The following PCSK5 variants were observed in gnomAD, a reference collection of about 807,000 sequenced individuals.
PCSK5 encodes the protein prohormone convertase 5.
A neutral mutation model predicts 233.2 loss-of-function variants in PCSK5; 129 were observed. The observed-to-expected ratio is 0.55, with a 90% CI of 0.48 to 0.64. The LOEUF (loss-of-function observed/expected upper bound fraction) is 0.64, where lower values mean the gene tolerates loss of function less well. Among genes scored for constraint, PCSK5 ranks in the 30% least tolerant of loss-of-function variants. The pLI is 0.00. For missense variants in PCSK5, 2,076 were observed against 2,430.1 expected, an observed-to-expected ratio of 0.85 and a Z score of 3.06; for synonymous variants, 825 against 879.2, an observed-to-expected ratio of 0.94 and a Z score of 1.09.
At chr9:76,289,101 T>C (rs1429677913) in intron 24 of PCSK5, among the ~76,000 whole-genome samples, 1 of 152,110 alleles carries the variant, frequency 6.6e-6, no homozygotes. Context: ...TGAAGAGCTC[T>C]CAAGAGAGAG....
At chr9:75,960,534 A>G (rs1825304866) in intron 2 of PCSK5, among the ~76,000 whole-genome samples, 1 of 152,248 alleles carries the variant, frequency 6.6e-6, no homozygotes, top group African/African-American at 2.4e-5. Context: ...GGGCATGAAT[A>G]AAGAAAAACA....
intron 9 of PCSK5, among the ~76,000 whole-genome samples, chr9:76,110,575 A>C (rs1832169423): frequency 6.6e-6 from 1 of 152,174 alleles, no homozygotes; most frequent in Non-Finnish European, 1.5e-5. Flanking sequence ...TACATCCGGT[A>C]GTCCTAGCTA....
intron 3 of PCSK5, among the ~76,000 whole-genome samples, chr9:76,009,278 T>C (rs1337247537): frequency 1.3e-5 from 2 of 152,128 alleles, no homozygotes; most frequent in South Asian, 2.1e-4. Flanking sequence ...TCAATTTCAG[T>C]TGGACTAAAA....
chr9:76,153,954 A>G (rs1183522546), intron 10 of PCSK5, among the ~76,000 whole-genome samples: 1 of 152,184 alleles, frequency 6.6e-6, no homozygotes, highest in Non-Finnish European at 1.5e-5. Flanking sequence ...GTCACCAAAA[A>G]CGTCAATGTT....
intron 30 of PCSK5, among the ~76,000 whole-genome samples, chr9:76,318,958 A>G (rs11144827): frequency 0.19 from 29,541 of 152,134 alleles, 3,353 homozygotes; most frequent in African/African-American, 0.3. Context: ...AATTAACAAC[A>G]ATTGTTCTCA....
intron 3 of PCSK5, among the ~76,000 whole-genome samples, chr9:76,011,887 G>A (rs1468923158): frequency 2.0e-5 from 3 of 152,038 alleles, no homozygotes; most frequent in African/African-American, 4.8e-5. Flanking sequence ...AGAACTCAGG[G>A]TATAAATTTA....
At chr9:76,004,974 G>T (rs1010533765) in intron 3 of PCSK5, among the ~76,000 whole-genome samples, 2 of 152,336 alleles carry the variant, frequency 1.3e-5, no homozygotes, top group African/African-American at 4.8e-5. Context: ...AGCAGACAGA[G>T]CTAAGAAGAT....
intron 10 of PCSK5, among the ~76,000 whole-genome samples, chr9:76,153,226 A>AG (rs1234416795): frequency 1.3e-5 from 2 of 152,242 alleles, no homozygotes; most frequent in African/African-American, 4.8e-5. Context: ...CCACTAAAAA[A>AG]TAAATTTACT....
In PCSK5 at chr9:75,911,201, G is replaced by GTTTTTT. The variant is rs71370772; in HGVS notation, c.192+19854_192+19859dup. 1.1e-3 allele frequency among the ~76,000 whole-genome samples: 56 copies of GTTTTTT among 48,758 alleles called. 2 individuals carry two copies. The highest frequency in any genetic ancestry group is 1.5e-3 in the East Asian group (2 of 1,356). 32.0% of individuals were successfully genotyped at this position (48,758 alleles called of 152,430 possible). ...TGATACATTGCGTGTGAACATATAG[G>GTTTTTT]TTTTTTTTTTTTTTTTTTTTTTTTT... On this transcript the variant is annotated intron_variant, in intron 1 of 37. Transcript: ENST00000674117.
intron 4 of PCSK5, among the ~76,000 whole-genome samples, chr9:76,026,472 T>A (rs1828429934): frequency 6.6e-6 from 1 of 152,184 alleles, no homozygotes; most frequent in South Asian, 2.1e-4. Flanking sequence ...TTTAATTGGC[T>A]TGCCAATGAT....
At chr9:75,998,908 A>G (rs980074632) in intron 3 of PCSK5, among the ~76,000 whole-genome samples, 7 of 152,178 alleles carry the variant, frequency 4.6e-5, no homozygotes, top group African/African-American at 1.7e-4. Flanking sequence ...CCATATTACT[A>G]TCACATAAAA....
chr9:76,007,890 A>G (rs1228587129), intron 3 of PCSK5, among the ~76,000 whole-genome samples: 1 of 151,046 alleles, frequency 6.6e-6, no homozygotes, highest in Admixed American at 6.6e-5. Context: ...CATGTTGCCC[A>G]GGCTAGTCTC....
chr9:76,221,592 A>G (rs997782225), intron 20 of PCSK5, among the ~76,000 whole-genome samples: 8 of 152,166 alleles, frequency 5.3e-5, no homozygotes, highest in African/African-American at 1.9e-4. Flanking sequence ...AGCTTGTATG[A>G]TTGCTACATC....
intron 21 of PCSK5, among the ~76,000 whole-genome samples, chr9:76,229,667 T>G (rs1485849467): frequency 6.6e-6 from 1 of 152,248 alleles, no homozygotes; most frequent in South Asian, 2.1e-4. Context: ...AAGTGCTGTT[T>G]TAATGGCTTT....
intron 2 of PCSK5, among the ~76,000 whole-genome samples, chr9:75,952,560 A>G (rs1824909990): frequency 6.6e-6 from 1 of 152,196 alleles, no homozygotes; most frequent in Non-Finnish European, 1.5e-5. Context: ...CACAGTCAAG[A>G]CAAAGAACAG....
At chr9:76,180,123 A>G (rs1406892837) in intron 15 of PCSK5, among the ~76,000 whole-genome samples, 1 of 150,452 alleles carries the variant, frequency 6.6e-6, no homozygotes, top group African/African-American at 2.4e-5. Flanking sequence ...ACACATATAC[A>G]TACGTACACA....
intron 5 of PCSK5, among the ~76,000 whole-genome samples, chr9:76,047,975 G>C (rs566835175): frequency 6.6e-6 from 1 of 151,962 alleles, no homozygotes; most frequent in Non-Finnish European, 1.5e-5. Flanking sequence ...AATCTTTATC[G>C]GTTTTTCCAA....
At chr9:75,953,602 A>G (rs1379140759) in intron 2 of PCSK5, among the ~76,000 whole-genome samples, 2 of 152,076 alleles carry the variant, frequency 1.3e-5, no homozygotes, top group East Asian at 3.9e-4. Context: ...CTGTGAAAGC[A>G]AAAACAATTT....
At chr9:75,921,531 C>A (rs1407314624) in intron 1 of PCSK5, among the ~76,000 whole-genome samples, 1 of 151,896 alleles carries the variant, frequency 6.6e-6, no homozygotes, top group Non-Finnish European at 1.5e-5. Flanking sequence ...GACATGTGTT[C>A]TTTCTCTCAG....
Sources: allele counts gnomAD v4.1 joint callset (sites outside exome capture counted in the v4.1 genomes callset), GRCh38; gene constraint gnomAD v4.1.1; transcripts MANE v1.5; gene names NCBI Gene and HGNC (gene_info 2026-07-23, HGNC 2026-07-21).